SSH1: variants seen among roughly 807,000 people sequenced by gnomAD.
SSH1 encodes slingshot protein phosphatase 1, also known as protein phosphatase Slingshot homolog 1.
A neutral mutation model predicts 79.7 loss-of-function variants in SSH1; 43 were observed. The ratio of observed to expected loss-of-function variants is 0.54; its 90% CI spans 0.42 to 0.70. The LOEUF is 0.70. SSH1 is among the 30% of genes least tolerant of loss of function. SSH1 has a pLI of 0.00. For synonymous variants in SSH1, 599 were observed against 538.3 expected, an observed-to-expected ratio of 1.11 and a Z score of -1.56; for missense variants, 1,206 against 1,358.8, an observed-to-expected ratio of 0.89 and a Z score of 1.77.
intron 2 of SSH1, among the ~76,000 whole-genome samples, chr12:108,840,947 G>A (rs1184820929): frequency 2.0e-5 from 3 of 152,144 alleles, no homozygotes; most frequent in Admixed American, 1.3e-4. Context: ...TCTCACCGTG[G>A]GAATAAAACT....
chr12:108,852,667 G>C lies in SSH1; in HGVS notation c.81C>G (p.Gly27=), dbSNP rs1173258876. ...GGTTTAATTTTCGATCTTCTTCGCTGCCAGCCTCCAACTACAGAGAAAGAA... is the reference window on the plus strand; with the variant it reads ...GGTTTAATTTTCGATCTTCTTCGCTCCCAGCCTCCAACTACAGAGAAAGAA... The part of the protein sequence containing the change: ...SSASNSELEA[G]SEEDRKLNLS... The change falls in exon 2 of 15, where the codon GGC becomes GGG. Residue 27 remains glycine, a synonymous_variant. Transcript: ENST00000326495. The C allele has an allele frequency of 5.0e-6, 8 of 1,614,018 alleles. No individual in the cohort carries two copies. In the African/African-American group the frequency reaches 9.3e-5, roughly 19 times the overall value.
At chr12:108,854,044 G>C (rs1036054929) in intron 1 of SSH1, among the ~76,000 whole-genome samples, 1 of 152,148 alleles carries the variant, frequency 6.6e-6, no homozygotes, top group African/African-American at 2.4e-5. Flanking sequence ...GAAAGAGCAG[G>C]GAAGGCTTCA....
At chr12:108,836,585 T>G (rs774286913) in intron 2 of SSH1, among the ~76,000 whole-genome samples, 1 of 152,192 alleles carries the variant, frequency 6.6e-6, no homozygotes, top group African/African-American at 2.4e-5. Context: ...GAGCAGATTA[T>G]AAACCACTGA....
chr12:108,838,180 G>A (rs2038686769), intron 2 of SSH1, among the ~76,000 whole-genome samples: 1 of 152,210 alleles, frequency 6.6e-6, no homozygotes, highest in Non-Finnish European at 1.5e-5. Context: ...AAAAGCTTCA[G>A]ATGATTTTAC....
chr12:108,803,045 T>C (rs1057199098), intron 10 of SSH1, among the ~76,000 whole-genome samples: 16 of 143,104 alleles, frequency 1.1e-4, no homozygotes, highest in Non-Finnish European at 1.1e-4. Context: ...GCAAATACCA[T>C]GTAAGGAAAA....
rs760955196 is a variant in SSH1, at chr12:108,807,654, G to C, written c.710C>G (p.Ser237Cys). 9 of 1,613,022 alleles carry C rather than the reference G, an allele frequency of 5.6e-6. No homozygotes were observed. The highest frequency in any genetic ancestry group is 1.1e-5 in the South Asian group (1 of 90,988). ...TTACTTGTCCACAAATAGCGCGGGGGAGTCGGGCCGCGTAGACTCCAGGTC... is the reference window on the plus strand; with the variant it reads ...TTACTTGTCCACAAATAGCGCGGGGCAGTCGGGCCGCGTAGACTCCAGGTC... Reference protein sequence around the residue: ...MQDLESTRPDSPALFVDKPTE... With the variant: ...MQDLESTRPDCPALFVDKPTE... Residue 237 changes from serine to cysteine, a missense_variant, in exon 8 of 15, where the codon TCC (serine) becomes TGC (cysteine). This residue lies in a region of SSH1 where 116 missense variants were observed against 109.0 expected (regional missense o/e 1.06). Transcript: ENST00000326495. The surrounding 1 kb of genome is among the most constrained non-coding windows in gnomAD (Gnocchi z 5.2).
At chr12:108,802,818 C>T (rs2037079906) in intron 10 of SSH1, among the ~76,000 whole-genome samples, 2 of 152,210 alleles carry the variant, frequency 1.3e-5, no homozygotes, top group Non-Finnish European at 2.9e-5. Flanking sequence ...AGTTCCCACC[C>T]TCTGACCCAG....
In SSH1 at chr12:108,788,441, A is replaced by AG. The variant is rs756048901; in HGVS notation, c.2696dup (p.Pro900SerfsTer11). On this transcript the variant is annotated frameshift_variant, in exon 15 of 15. Coordinates refer to ENST00000326495, the MANE Select transcript of SSH1 (RefSeq NM_018984.4). LOFTEE classifies it high-confidence loss of function. ...TGTGGTCCAGGCGGTAGAAGAAAGG[A>AG]GGGGGGCTCTTCAGTGAGCCTCCTT... is the stretch of plus-strand genomic sequence containing the variant. The AG allele has an allele frequency of 1.1e-5, 17 of 1,577,652 alleles. No homozygotes were observed. The highest frequency in any genetic ancestry group is 1.4e-5 in the African/African-American group (1 of 73,498).
chr12:108,794,677 T>A (rs1403444492), intron 13 of SSH1, among the ~76,000 whole-genome samples: 3 of 152,138 alleles, frequency 2.0e-5, no homozygotes, highest in Non-Finnish European at 2.9e-5. Flanking sequence ...GGGAAGTGGG[T>A]CACGCAAATC....
chr12:108,802,129 C>G (rs1006324651), intron 11 of SSH1, among the ~76,000 whole-genome samples, 193 bp downstream of exon 11: 10 of 152,212 alleles, frequency 6.6e-5, no homozygotes, highest in Non-Finnish European at 1.5e-4. Context: ...AATCTAAACT[C>G]CATGAATTAT....
intron 2 of SSH1, chr12:108,826,119 G>A (rs752392977): frequency 8.8e-6 from 4 of 454,652 alleles, no homozygotes; most frequent in South Asian, 3.1e-5. Context: ...ACCCAAGCAC[G>A]CTGGAAACAG....
rs1047949206 is a variant in SSH1, at chr12:108,853,343, A to T, written c.70-665T>A. ...CCAGAAGTACCTATGACTTATTTTTATTTTTTTTCTTTCAGAGAGCAAACT... is the reference window on the plus strand; with the variant it reads ...CCAGAAGTACCTATGACTTATTTTTTTTTTTTTTCTTTCAGAGAGCAAACT... On this transcript the variant is annotated intron_variant, in intron 1 of 14. Transcript: ENST00000326495. 6.4e-5 allele frequency: 63 copies of T among 984,972 alleles called. No homozygotes were observed. In the Middle Eastern group the frequency reaches 2.1e-3, roughly 33 times the overall value. The allele number at this position is 984,972 out of a possible 1,614,324, so 61.0% of individuals were successfully genotyped here.
At chr12:108,833,644 G>A (rs1373606627) in intron 2 of SSH1, 1 of 152,170 alleles carries the variant, frequency 6.6e-6, no homozygotes, top group Non-Finnish European at 1.5e-5. Flanking sequence ...ACCCGGCTCT[G>A]TGCTGCATTC....
intron 13 of SSH1, 28 bp from the exon 14 acceptor site, chr12:108,792,857 G>A: frequency 1.9e-6 from 3 of 1,612,274 alleles, no homozygotes; most frequent in Non-Finnish European, 2.5e-6. Flanking sequence ...AGAGGAAGGT[G>A]AGGGGAGGAG....
At chr12:108,819,732 G>A (rs2038045075) in intron 3 of SSH1, among the ~76,000 whole-genome samples, 2 of 152,160 alleles carry the variant, frequency 1.3e-5, no homozygotes, top group East Asian at 1.9e-4. Context: ...GGGAGGCCAA[G>A]GCAGGAGGAT....
Position 108,792,716 on chromosome 12 carries a change from G to C in SSH1, c.1463C>G (p.Pro488Arg), listed in dbSNP as rs773831319. ...DFLPETPDGT[P>R]ESQLPFLDDA... ...ATCCAAGAAGGGCAGCTGGCTTTCCGGGGTGCCATCTGGGGTCTCTGGCAA... is the reference window on the plus strand; with the variant it reads ...ATCCAAGAAGGGCAGCTGGCTTTCCCGGGTGCCATCTGGGGTCTCTGGCAA... Residue 488 changes from proline (P) to arginine (R), a missense_variant, in exon 14 of 15, where the codon CCG (proline) becomes CGG (arginine). Pro to Arg is a moderately radical substitution (Grantham distance 103, BLOSUM62 -2). This residue lies in a region of SSH1 where 709 missense variants were observed against 730.6 expected (regional missense o/e 0.97). Transcript: ENST00000326495. 3.1e-6 allele frequency: 5 copies of C among 1,613,598 alleles called. No individual in the cohort carries two copies. Among genetic ancestry groups the C allele is most frequent in the Middle Eastern group, 1.6e-4 (1 of 6,062 alleles).
At chr12:108,827,640 C>T (rs992055646) in intron 2 of SSH1, 9 of 1,082,414 alleles carry the variant, frequency 8.3e-6, no homozygotes, top group Non-Finnish European at 2.3e-6. Flanking sequence ...ACGGGCTTTT[C>T]TGTAGGCCGG....
intron 2 of SSH1, among the ~76,000 whole-genome samples, chr12:108,829,952 T>C (rs1235050759): frequency 6.6e-6 from 1 of 151,808 alleles, no homozygotes; most frequent in Non-Finnish European, 1.5e-5. Context: ...AAAATAAAAA[T>C]AAAATTAGCT....
Position 108,826,873 on chromosome 12 carries a change from C to T in SSH1, c.111-3512G>A, listed in dbSNP as rs140575755. ...CCACAAGCCATCCATCCCAGCCACC[C>T]AGAAGTCACTCTTCTCACAAAAGAT... On this transcript the variant is annotated intron_variant, in intron 2 of 14. Coordinates refer to ENST00000326495, the MANE Select transcript of SSH1 (RefSeq NM_018984.4). Among the ~76,000 whole-genome samples the T allele has an allele frequency of 5.9e-5, 9 of 152,224 alleles. No homozygotes were observed. In the East Asian group the frequency reaches 1.7e-3, roughly 29 times the overall value.
Sources: gnomAD v4.1 joint callset for allele counts (sites outside exome capture counted in the v4.1 genomes callset) on GRCh38, gnomAD v4.1.1 for gene constraint, gnomAD v4.1.1 regional missense constraint, Gnocchi (gnomAD v3.1) non-coding constraint, MANE v1.5 for transcripts, NCBI Gene and HGNC (gene_info 2026-07-23, HGNC 2026-07-21) for gene names.